The following PRTG variants were observed in gnomAD, a reference collection of about 807,000 sequenced individuals.
The protein encoded by PRTG is protogenin.
A neutral mutation model predicts 122.5 loss-of-function variants in PRTG; 67 were observed. The ratio of observed to expected loss-of-function variants is 0.55; its 90% CI spans 0.45 to 0.67. The LOEUF (loss-of-function observed/expected upper bound fraction) is 0.67. Ranked by LOEUF, PRTG falls within the 30% of genes least tolerant of loss-of-function variation. The probability of loss-of-function intolerance (pLI) is 0.00; values close to 1 mark genes in which losing one functional copy is unlikely to be tolerated. For missense variants in PRTG, 1,435 were observed against 1,415.4 expected (o/e 1.01, Z -0.22); for synonymous variants, 554 against 501.1 (o/e 1.11, Z -1.41).
intron 11 of PRTG, among the ~76,000 whole-genome samples, chr15:55,652,576 C>T (rs566844826): frequency 2.0e-4 from 30 of 152,196 alleles, no homozygotes; most frequent in African/African-American, 6.3e-4. Flanking sequence ...GCCAGCGGTA[C>T]GGCCTGCTCT....
intron 5 of PRTG, 96 bp downstream of exon 5, chr15:55,680,395 T>C: frequency 7.5e-7 from 1 of 1,337,310 alleles, no homozygotes. Context: ...CAGCCAAACC[T>C]GTGTTTTTGT....
intron 10 of PRTG, among the ~76,000 whole-genome samples, chr15:55,673,056 A>T (rs1359791007): frequency 6.6e-6 from 1 of 152,174 alleles, no homozygotes; most frequent in African/African-American, 2.4e-5. Context: ...TAAGGATTTT[A>T]AAAATATATG....
intron 2 of PRTG, among the ~76,000 whole-genome samples, chr15:55,726,637 G>A (rs1308794089): frequency 5.6e-5 from 7 of 124,640 alleles, no homozygotes; most frequent in African/African-American, 1.6e-4. Flanking sequence ...GCGAATCTTC[G>A]TCTCAAAAAA....
At chr15:55,678,230 T>C (rs1005495593) in intron 7 of PRTG, among the ~76,000 whole-genome samples, 186 bp from the exon 8 acceptor site, 2 of 152,136 alleles carry the variant, frequency 1.3e-5, no homozygotes, top group Admixed American at 6.6e-5. Flanking sequence ...TTTGTTTTTG[T>C]CGTTTTCTTT....
intron 15 of PRTG, among the ~76,000 whole-genome samples, chr15:55,632,362 A>G (rs2059232396): frequency 6.6e-6 from 1 of 152,112 alleles, no homozygotes; most frequent in Non-Finnish European, 1.5e-5. Context: ...CAACTCTCAC[A>G]TGGACACCTG....
intron 2 of PRTG, among the ~76,000 whole-genome samples, chr15:55,722,754 A>G (rs994706321): frequency 6.6e-5 from 9 of 136,662 alleles, no homozygotes; most frequent in African/African-American, 2.2e-4. Flanking sequence ...GCCACACAGA[A>G]CATACTTAAA....
In PRTG at chr15:55,673,684, T is replaced by A; in HGVS notation, c.1547-8A>T. On this transcript the variant is annotated splice_region_variant and splice_polypyrimidine_tract_variant and intron_variant, in intron 9 of 19. Coordinates refer to ENST00000389286, the MANE Select transcript of PRTG (RefSeq NM_173814.6). ...CAGGAGGTCTCAGGGGAACTAGTCATAGAAGAAATCAGGTTGTTTATAAAT... is the reference window on the plus strand; with the variant it reads ...CAGGAGGTCTCAGGGGAACTAGTCAAAGAAGAAATCAGGTTGTTTATAAAT... 6.8e-6 allele frequency: 11 copies of A among 1,608,444 alleles called. No homozygotes were observed. The highest frequency in any genetic ancestry group is 9.4e-6 in the Non-Finnish European group (11 of 1,175,400).
At chr15:55,630,637 A>G (rs747540878) in intron 15 of PRTG, among the ~76,000 whole-genome samples, 18 of 152,216 alleles carry the variant, frequency 1.2e-4, no homozygotes, top group South Asian at 2.1e-4. Flanking sequence ...ATGACTGATA[A>G]GAAAGATTCC....
intron 2 of PRTG, among the ~76,000 whole-genome samples, chr15:55,728,821 T>C (rs79539321): frequency 0.078 from 11,921 of 152,236 alleles, 509 homozygotes; most frequent in Non-Finnish European, 0.1. Context: ...CACTCATAGA[T>C]TATATGATCC....
At chr15:55,646,378 A>G (rs1018080220) in intron 11 of PRTG, among the ~76,000 whole-genome samples, 3 of 150,696 alleles carry the variant, frequency 2.0e-5, no homozygotes, top group Non-Finnish European at 4.4e-5. Context: ...GATGGAGTGC[A>G]GTGGCACGAT....
intron 2 of PRTG, among the ~76,000 whole-genome samples, chr15:55,699,166 G>A (rs796103909): frequency 6.6e-6 from 1 of 152,028 alleles, no homozygotes; most frequent in Non-Finnish European, 1.5e-5. Flanking sequence ...GACCCAACTT[G>A]GATGATCTTA....
chr15:55,631,754 G>A (rs951475569), intron 15 of PRTG, among the ~76,000 whole-genome samples: 2 of 152,136 alleles, frequency 1.3e-5, no homozygotes, highest in East Asian at 1.9e-4. Context: ...CTAACTTGGG[G>A]CACGTTACTG....
intron 18 of PRTG, among the ~76,000 whole-genome samples, chr15:55,622,528 C>T (rs2059172359): frequency 6.7e-6 from 1 of 149,898 alleles, no homozygotes. Context: ...GGACTACAGG[C>T]GCCTACTACC....
chr15:55,720,647 A>G (rs2030781070), intron 2 of PRTG, among the ~76,000 whole-genome samples: 1 of 151,972 alleles, frequency 6.6e-6, no homozygotes, highest in Non-Finnish European at 1.5e-5. Flanking sequence ...CTTGCTCTGT[A>G]TGCTCATCCT....
At chr15:55,737,645 G>A (rs2031452070) in intron 2 of PRTG, among the ~76,000 whole-genome samples, 1 of 152,144 alleles carries the variant, frequency 6.6e-6, no homozygotes, top group South Asian at 2.1e-4. Flanking sequence ...ATCCTGGCCA[G>A]TTTCTAACCT....
chr15:55,680,462 C>CTTT, intron 5 of PRTG, 29 bp downstream of exon 5: 33 of 1,234,292 alleles, frequency 2.7e-5, no homozygotes, highest in South Asian at 1.3e-4. Flanking sequence ...AAGGAAAAGA[C>CTTT]TTTTTTTTTT....
chr15:55,657,860 T>G (rs187756606), intron 11 of PRTG, among the ~76,000 whole-genome samples: 1 of 152,162 alleles, frequency 6.6e-6, no homozygotes, highest in Non-Finnish European at 1.5e-5. Context: ...TTTTAAAAAA[T>G]TATGATCAAA....
intron 16 of PRTG, among the ~76,000 whole-genome samples, chr15:55,627,690 G>T (rs1293365139): frequency 6.6e-6 from 1 of 152,058 alleles, no homozygotes; most frequent in African/African-American, 2.4e-5. Context: ...TAGCAATCAT[G>T]AACATCAATT....
Position 55,699,947 on chromosome 15 carries a change from GT to G in PRTG, c.398-16017del, listed in dbSNP as rs201288506. ...AGGCATAATAAAAAGCTACTCTAAA[GT>G]TTTTATGAAAAGGCAAAGGACCTAG... On this transcript the variant is annotated intron_variant, in intron 2 of 19. Transcript: ENST00000389286. 5.8e-3 allele frequency among the ~76,000 whole-genome samples: 877 copies of G among 152,248 alleles called. 11 individuals are homozygous for G. Among genetic ancestry groups the G allele is most frequent in the African/African-American group, 0.02 (846 of 41,548 alleles).
Sources: allele counts gnomAD v4.1 joint callset (sites outside exome capture counted in the v4.1 genomes callset), GRCh38; gene constraint gnomAD v4.1.1; transcripts MANE v1.5; gene names NCBI Gene and HGNC (gene_info 2026-07-23, HGNC 2026-07-21).